The following OGG1 variants were observed in gnomAD, a reference collection of about 807,000 sequenced individuals.
OGG1 encodes 8-oxoguanine DNA glycosylase.
A neutral mutation model predicts 42.3 loss-of-function variants in OGG1; 35 were observed. That is an observed-to-expected ratio of 0.83 (90% CI 0.63 to 1.10). The LOEUF (loss-of-function observed/expected upper bound fraction) is 1.10. Ranked by LOEUF, OGG1 falls within the 50% of genes least tolerant of loss-of-function variation. The pLI, the probability that OGG1 is intolerant of heterozygous loss-of-function variation, is 0.00. For synonymous variants in OGG1, 189 were observed against 179.0 expected, an observed-to-expected ratio of 1.06 and a Z score of -0.44; for missense variants, 484 against 446.7, an observed-to-expected ratio of 1.08 and a Z score of -0.75.
chr3:9,752,896 C>T (rs962205175), intron 3 of OGG1, among the ~76,000 whole-genome samples: 5 of 151,546 alleles, frequency 3.3e-5, no homozygotes, highest in East Asian at 1.9e-4. Flanking sequence ...ACTAAAAATA[C>T]GAAAATTAGT....
intron 2 of OGG1, among the ~76,000 whole-genome samples, chr3:9,775,644 GTT>G (rs71052204): frequency 3.5e-5 from 5 of 142,162 alleles, no homozygotes; most frequent in Non-Finnish European, 7.7e-5. Flanking sequence ...ATACCCAGAG[GTT>G]TTTTTTTTTT....
At chr3:9,769,060 A>G (rs901266924), downstream of OGG1, among the ~76,000 whole-genome samples, 1 of 151,876 alleles carries the variant, frequency 6.6e-6, no homozygotes, top group Admixed American at 6.6e-5. Flanking sequence ...TACGCCTTGT[A>G]TCCACATCCC....
rs2078163085 is a variant in OGG1, at chr3:9,766,661, T to G, written c.*830T>G. On this transcript the variant is annotated 3_prime_UTR_variant, in exon 8 of 8. Coordinates refer to the OGG1 transcript ENST00000302008. ...ACTCATTTAACTAAAGTTAACTGATTAAAGAGGATTTGCTAGGGTATTCTT... is the reference window on the plus strand; with the variant it reads ...ACTCATTTAACTAAAGTTAACTGATGAAAGAGGATTTGCTAGGGTATTCTT... The G allele has an allele frequency of 7.7e-6, 8 of 1,043,838 alleles. No homozygotes were observed. The South Asian group carries it at 2.3e-4, about 30-fold the overall frequency. The allele number at this position is 1,043,838 out of a possible 1,614,324, so 64.7% of individuals were successfully genotyped here. A position where few individuals can be genotyped will look rare whatever the true frequency, so the allele number is the denominator to read the frequency against.
At chr3:9,761,697 C>T (rs2077883046), downstream of OGG1, 1 of 1,614,082 alleles carries the variant, frequency 6.2e-7, no homozygotes, top group Non-Finnish European at 8.5e-7. Flanking sequence ...TTGGAGAGGC[C>T]AAAGTCGGAG....
exon 8 of OGG1, chr3:9,766,010 C>G (rs748434258): frequency 5.0e-6 from 8 of 1,614,034 alleles, no homozygotes; most frequent in Admixed American, 3.3e-5. Flanking sequence ...TGACCCTCCC[C>G]TAGTCACTCA....
At chr3:9,761,472 G>A (rs56203420), downstream of OGG1, 91 of 1,612,178 alleles carry the variant, frequency 5.6e-5, 1 homozygote, top group East Asian at 1.5e-3. Context: ...AGATGTAGGC[G>A]ATGACACCTA....
intron 7 of OGG1, among the ~76,000 whole-genome samples, chr3:9,764,107 A>G (rs1415424752): frequency 6.6e-6 from 1 of 152,196 alleles, no homozygotes; most frequent in Non-Finnish European, 1.5e-5. Flanking sequence ...AGCACCTGGT[A>G]CAGGGTAGGT....
At chr3:9,781,184 G>A (rs1426961686) in intron 2 of OGG1, among the ~76,000 whole-genome samples, 1 of 151,840 alleles carries the variant, frequency 6.6e-6, no homozygotes, top group Non-Finnish European at 1.5e-5. Context: ...AGTAGCTCAT[G>A]CCTGTAATCC....
chr3:9,777,155 G>C (rs958883679), intron 2 of OGG1, among the ~76,000 whole-genome samples: 3 of 152,208 alleles, frequency 2.0e-5, no homozygotes, highest in Non-Finnish European at 2.9e-5. Flanking sequence ...TGGTGTTGCT[G>C]AAAGTCAGCT....
At chr3:9,767,566 C>T, downstream of OGG1, 2 of 1,487,946 alleles carry the variant, frequency 1.3e-6, no homozygotes, top group Non-Finnish European at 1.9e-6. Flanking sequence ...GCCACAGGGC[C>T]TGGGCTGTGG....
chr3:9,760,819 C>G, downstream of OGG1: 1 of 1,609,960 alleles, frequency 6.2e-7, no homozygotes, highest in Non-Finnish European at 8.5e-7. Context: ...GCCGTTGGCT[C>G]CGGGGTGGAG....
chr3:9,779,039 A>G (rs2078403021), intron 2 of OGG1, among the ~76,000 whole-genome samples: 1 of 152,030 alleles, frequency 6.6e-6, no homozygotes, highest in African/African-American at 2.4e-5. Context: ...CAGTCTGGGA[A>G]CAACTTGAGG....
At chr3:9,787,605 C>T in intron 3 of OGG1, 1 of 1,137,800 alleles carries the variant, frequency 8.8e-7, no homozygotes, top group Middle Eastern at 2.0e-4. Flanking sequence ...AATACGTACA[C>T]AGATTGTCTC....
downstream of OGG1, among the ~76,000 whole-genome samples, chr3:9,788,594 C>T (rs1235129443): frequency 6.6e-6 from 1 of 151,470 alleles, no homozygotes; most frequent in African/African-American, 2.4e-5. Context: ...GGCTGGAATA[C>T]AGTGGCACGA....
chr3:9,759,657 T>C, downstream of OGG1: 1 of 1,614,198 alleles, frequency 6.2e-7, no homozygotes, highest in Non-Finnish European at 8.5e-7. Context: ...GCTCACAGGT[T>C]GTGTGAATTC....
In OGG1 at chr3:9,754,751, G is replaced by T; in HGVS notation, c.613G>T (p.Ala205Ser). 6.2e-7 allele frequency: 1 copy of T among 1,614,172 alleles called. No homozygotes were observed. Among genetic ancestry groups the T allele is most frequent in the South Asian group, 1.1e-5 (1 of 91,074 alleles). ...HLRKLGLGYR[A>S]RYVSASARAI... ...CAGGAAGCTGGGCCTGGGCTATCGT[G>T]CCCGTTACGTGAGTGCCAGTGCCCG... Residue 205 changes from alanine (A) to serine (S), a missense_variant, in exon 4 of 7, where the codon GCC becomes TCC. Transcript: ENST00000344629.
At chr3:9,784,357 G>C (rs2078554434) in intron 3 of OGG1, 2 of 1,089,426 alleles carry the variant, frequency 1.8e-6, no homozygotes, top group Non-Finnish European at 1.3e-6. Flanking sequence ...TACAAAGGGA[G>C]GGACAGACAC....
intron 3 of OGG1, 152 bp from the exon 4 acceptor site, chr3:9,754,552 A>C: frequency 2.6e-6 from 2 of 781,228 alleles, no homozygotes. Context: ...TTTCCCTTGC[A>C]CATAAAAGTG....
At chr3:9,782,806 A>G (rs1045499212) in intron 3 of OGG1, among the ~76,000 whole-genome samples, 1 of 150,634 alleles carries the variant, frequency 6.6e-6, no homozygotes, top group South Asian at 2.1e-4. Context: ...AAAAAAAAAA[A>G]GGCCAAATGA....
Sources: allele counts gnomAD v4.1 joint callset (sites outside exome capture counted in the v4.1 genomes callset), GRCh38; gene constraint gnomAD v4.1.1; transcripts MANE v1.5; gene names NCBI Gene and HGNC (gene_info 2026-07-23, HGNC 2026-07-21).